PIK3R3: variants seen among roughly 807,000 people sequenced by gnomAD.
PIK3R3 encodes phosphatidylinositol 3-kinase regulatory subunit gamma.
A neutral mutation model predicts 62.9 loss-of-function variants in PIK3R3; 64 were observed. The observed-to-expected ratio is 1.02, with a 90% CI of 0.83 to 1.25. The LOEUF (loss-of-function observed/expected upper bound fraction) is 1.25, where lower values mean the gene tolerates loss of function less well. PIK3R3 is among the 50% of genes most tolerant of loss of function. The pLI is 0.00. For missense variants in PIK3R3, 614 were observed against 561.6 expected (o/e 1.09, Z -0.94); for synonymous variants, 165 against 189.0 (o/e 0.87, Z 1.04).
the PIK3R3 span, among the ~76,000 whole-genome samples, chr1:46,173,098 C>T: frequency 6.6e-6 from 1 of 152,152 alleles, no homozygotes; most frequent in Non-Finnish European, 1.5e-5. Context: ...ATGTTGGGAG[C>T]ACAGCCTAGG....
chr1:46,101,245 C>T (rs1385080531), intron 1 of PIK3R3, among the ~76,000 whole-genome samples: 1 of 151,500 alleles, frequency 6.6e-6, no homozygotes, highest in African/African-American at 2.4e-5. Flanking sequence ...CCTGTAATCC[C>T]AGCACTTTGG....
intron 1 of PIK3R3, among the ~76,000 whole-genome samples, chr1:46,091,499 C>CAA (rs1055288447): frequency 1.3e-5 from 2 of 151,538 alleles, no homozygotes; most frequent in East Asian, 3.9e-4. Flanking sequence ...CACACACACA[C>CAA]AGAGAATGTG....
In PIK3R3 at chr1:46,050,606, T is replaced by G. The variant is rs539655139; in HGVS notation, c.942-3981A>C. Among the ~76,000 whole-genome samples the G allele has an allele frequency of 2.0e-5, 3 of 152,218 alleles. No homozygotes were observed. In the South Asian group the frequency reaches 6.2e-4, roughly 32 times the overall value. ...ATGTATTAAAGAATGATTCATTACT[T>G]TAAGAAACCCCAATTATCACTACTG... On this transcript the variant is annotated intron_variant, in intron 7 of 9. Coordinates refer to ENST00000262741, the MANE Select transcript of PIK3R3 (RefSeq NM_003629.4).
intron 1 of PIK3R3, among the ~76,000 whole-genome samples, chr1:46,113,268 A>T (rs1477254256): frequency 2.0e-5 from 3 of 150,900 alleles, no homozygotes; most frequent in Non-Finnish European, 4.4e-5. Context: ...AGTGGTCCAG[A>T]TTCATCTAAT....
chr1:46,050,365 G>A (rs542031862), intron 7 of PIK3R3, among the ~76,000 whole-genome samples: 2 of 152,218 alleles, frequency 1.3e-5, no homozygotes. Flanking sequence ...AGGAGTTCGA[G>A]ACCAGCCTGG....
chr1:46,093,626 A>T (rs970423608), intron 1 of PIK3R3, among the ~76,000 whole-genome samples: 2 of 152,118 alleles, frequency 1.3e-5, no homozygotes. Flanking sequence ...GTGGTGGCTC[A>T]TGCATGTAAT....
At chr1:46,164,085 A>T in the PIK3R3 span, among the ~76,000 whole-genome samples, 2 of 152,018 alleles carry the variant, frequency 1.3e-5, no homozygotes, top group East Asian at 1.9e-4. Flanking sequence ...GACGAATAAT[A>T]CCTCTCCCAT....
chr1:46,116,872 T>C (rs1363752792), intron 1 of PIK3R3, among the ~76,000 whole-genome samples: 1 of 152,058 alleles, frequency 6.6e-6, no homozygotes, highest in African/African-American at 2.4e-5. Context: ...GAATAGGAAA[T>C]CCCAACAACC....
intron 1 of PIK3R3, 39 bp downstream of exon 1, chr1:46,131,808 G>C: frequency 6.3e-7 from 1 of 1,579,458 alleles, no homozygotes; most frequent in Non-Finnish European, 8.7e-7. Flanking sequence ...ATACAAATCA[G>C]ACCCATCACG....
chr1:46,046,840 TAG>T, intron 7 of PIK3R3: 1 of 558,116 alleles, frequency 1.8e-6, no homozygotes, highest in Non-Finnish European at 3.1e-6. Context: ...GGCAGAAACA[TAG>T]AGGGCTACTT....
intron 7 of PIK3R3, 27 bp downstream of exon 7, chr1:46,055,768 C>T (rs1211365558): frequency 2.0e-6 from 3 of 1,499,860 alleles, no homozygotes; most frequent in Non-Finnish European, 1.8e-6. Flanking sequence ...TAACGTCTCC[C>T]TCCCCATACA....
chr1:46,168,137 C>T, the PIK3R3 span, among the ~76,000 whole-genome samples: 190 of 151,856 alleles, frequency 1.3e-3, no homozygotes, highest in Non-Finnish European at 2.1e-3. Context: ...GGCGACAGAG[C>T]GAGACTCCAT....
chr1:46,075,582 A>G (rs1474437231), intron 3 of PIK3R3, among the ~76,000 whole-genome samples: 1 of 152,102 alleles, frequency 6.6e-6, no homozygotes, highest in Non-Finnish European at 1.5e-5. Context: ...TGACCATGCC[A>G]CTGCACTCCA....
chr1:46,123,210 A>G (rs993449846), intron 1 of PIK3R3, among the ~76,000 whole-genome samples: 4 of 152,228 alleles, frequency 2.6e-5, no homozygotes, highest in Non-Finnish European at 4.4e-5. Flanking sequence ...AATAACAGAG[A>G]CAGCCCTACA....
chr1:46,103,269 AAC>A (rs761688647), intron 1 of PIK3R3, among the ~76,000 whole-genome samples: 9 of 152,144 alleles, frequency 5.9e-5, no homozygotes, highest in Non-Finnish European at 1.2e-4. Context: ...AGTATCACTT[AAC>A]AATACACTTG....
intron 1 of PIK3R3, among the ~76,000 whole-genome samples, chr1:46,123,800 A>T (rs1386842391): frequency 2.0e-5 from 3 of 152,250 alleles, no homozygotes; most frequent in Non-Finnish European, 2.9e-5. Flanking sequence ...GAATACATAT[A>T]AAAGCATTTA....
chr1:46,044,392 A>T lies in PIK3R3; in HGVS notation c.1188-521T>A, dbSNP rs184431408. Among the ~76,000 whole-genome samples, 1 of 152,244 alleles carries T rather than the reference A, an allele frequency of 6.6e-6. No homozygotes were observed. The highest frequency in any genetic ancestry group is 6.5e-5 in the Admixed American group (1 of 15,288). ...CCCAGCCAAGGGTAGTTTTTGATTAATCAGTTTATGTAAGGACTGCAGCCA... is the reference window on the plus strand; with the variant it reads ...CCCAGCCAAGGGTAGTTTTTGATTATTCAGTTTATGTAAGGACTGCAGCCA... On this transcript the variant is annotated intron_variant, in intron 9 of 9. Transcript: ENST00000262741. The surrounding 1 kb of genome is among the most constrained non-coding windows in gnomAD (Gnocchi z 4.2).
rs74939917 is a variant in PIK3R3 at position 46,109,958 on chromosome 1, A to G, written c.106+21889T>C. On this transcript the variant is annotated intron_variant, in intron 1 of 9. Coordinates refer to ENST00000262741, the MANE Select transcript of PIK3R3 (RefSeq NM_003629.4). ...AGTCTCTGCTTACTCTTCCAAGCTC[A>G]TTTTCCTATTACTTTCCCACAGGCA... Among the ~76,000 whole-genome samples the G allele has an allele frequency of 3.5e-3, 536 of 152,116 alleles. 5 individuals carry two copies. The highest frequency in any genetic ancestry group is 0.034 in the East Asian group (175 of 5,176).
chr1:46,114,168 C>T (rs1015794033), intron 1 of PIK3R3, among the ~76,000 whole-genome samples: 1 of 152,152 alleles, frequency 6.6e-6, no homozygotes, highest in African/African-American at 2.4e-5. Context: ...TATGCAAGTG[C>T]TCTCATTGAC....
Sources: gnomAD v4.1 joint callset for allele counts (sites outside exome capture counted in the v4.1 genomes callset) on GRCh38, gnomAD v4.1.1 for gene constraint, Gnocchi (gnomAD v3.1) non-coding constraint, MANE v1.5 for transcripts, NCBI Gene and HGNC (gene_info 2026-07-23, HGNC 2026-07-21) for gene names.